The following SGCZ variants were observed in gnomAD, a reference collection of about 807,000 sequenced individuals.
SGCZ encodes zeta-sarcoglycan.
Under a neutral mutation model 41.3 loss-of-function variants are expected in SGCZ, and 40 were observed. That is an observed-to-expected ratio of 0.97 (90% CI 0.75 to 1.26). The LOEUF is 1.26. Ranked by LOEUF, SGCZ falls within the 50% of genes most tolerant of loss-of-function variation. The pLI is 0.00. For synonymous variants in SGCZ, 206 were observed against 137.5 expected (o/e 1.50, Z -3.49); for missense variants, 552 against 369.8 (o/e 1.49, Z -4.04).
At chr8:14,531,618 G>C (rs12546558) in intron 2 of SGCZ, among the ~76,000 whole-genome samples, 1 of 151,822 alleles carries the variant, frequency 6.6e-6, no homozygotes, top group Non-Finnish European at 1.5e-5. Context: ...TGAGTTATGA[G>C]AGGATACACA....
intron 1 of SGCZ, among the ~76,000 whole-genome samples, chr8:14,826,631 T>C (rs1470864349): frequency 6.6e-6 from 1 of 152,282 alleles, no homozygotes; most frequent in Admixed American, 6.5e-5. Flanking sequence ...CCATTCTAAC[T>C]AGTGTGAGAT....
chr8:14,458,186 C>T (rs1248692661), intron 2 of SGCZ, among the ~76,000 whole-genome samples: 1 of 152,072 alleles, frequency 6.6e-6, no homozygotes, highest in Non-Finnish European at 1.5e-5. Context: ...ATAAAATCAA[C>T]CACAATGTGT....
intron 4 of SGCZ, among the ~76,000 whole-genome samples, chr8:14,182,633 A>C (rs1804766956): frequency 6.6e-6 from 1 of 152,216 alleles, no homozygotes; most frequent in South Asian, 2.1e-4. Context: ...TAAAGACAAG[A>C]AAAGGAATTA....
At chr8:14,314,289 T>C (rs78256212) in intron 3 of SGCZ, among the ~76,000 whole-genome samples, 3,217 of 151,946 alleles carry the variant, frequency 0.021, 116 homozygotes, top group African/African-American at 0.072. Context: ...TAGTATTATT[T>C]TTTTTCCCCA....
chr8:14,086,024 A>G lies in SGCZ; in HGVS notation c.*4419T>C, dbSNP rs902134582. Among the ~76,000 whole-genome samples the G allele has an allele frequency of 6.6e-6, 1 of 151,784 alleles. No homozygotes were observed. Among genetic ancestry groups the G allele is most frequent in the African/African-American group, 2.4e-5 (1 of 41,416 alleles). ...TAGTTTATGATTATTTAAAATGAATACAAATGCAAATTTCCTTTGTGATAA... is the reference window on the plus strand; with the variant it reads ...TAGTTTATGATTATTTAAAATGAATGCAAATGCAAATTTCCTTTGTGATAA... On this transcript the variant is annotated 3_prime_UTR_variant, in exon 8 of 8. Coordinates refer to ENST00000382080, the MANE Select transcript of SGCZ (RefSeq NM_139167.4).
At chr8:15,223,062 T>C (rs1801657205) in intron 1 of SGCZ, among the ~76,000 whole-genome samples, 1 of 152,142 alleles carries the variant, frequency 6.6e-6, no homozygotes, top group South Asian at 2.1e-4. Context: ...TGAGAGAATC[T>C]TAAATCATAT....
intron 1 of SGCZ, among the ~76,000 whole-genome samples, chr8:15,012,289 TC>T (rs1802851801): frequency 6.6e-6 from 1 of 151,316 alleles, no homozygotes; most frequent in Non-Finnish European, 1.5e-5. Context: ...ATAGCAAACC[TC>T]CACCTCTACA....
At chr8:14,377,115 G>C (rs139739299) in intron 2 of SGCZ, among the ~76,000 whole-genome samples, 1 of 152,108 alleles carries the variant, frequency 6.6e-6, no homozygotes, top group Admixed American at 6.6e-5. Context: ...CAAGAAGAAC[G>C]AACAATATAA....
At chr8:15,200,106 T>G (rs189666418) in intron 1 of SGCZ, among the ~76,000 whole-genome samples, 1 of 152,352 alleles carries the variant, frequency 6.6e-6, no homozygotes, top group East Asian at 1.9e-4. Flanking sequence ...CTGTAGAAAT[T>G]TGTATCTCTT....
At chr8:14,597,329 G>T (rs940708155) in intron 1 of SGCZ, among the ~76,000 whole-genome samples, 1 of 152,150 alleles carries the variant, frequency 6.6e-6, no homozygotes, top group Admixed American at 6.6e-5. Flanking sequence ...TTTTAAGTTA[G>T]AATGGGAGAG....
intron 5 of SGCZ, among the ~76,000 whole-genome samples, chr8:14,145,883 T>G (rs1037911889): frequency 1.3e-5 from 2 of 152,096 alleles, no homozygotes; most frequent in Admixed American, 1.3e-4. Flanking sequence ...ACAGGCTATT[T>G]GAAAATACAC....
At chr8:14,829,159 C>T (rs1487097994) in intron 1 of SGCZ, among the ~76,000 whole-genome samples, 1 of 146,374 alleles carries the variant, frequency 6.8e-6, no homozygotes, top group Non-Finnish European at 1.5e-5. Flanking sequence ...AGGTCAGTAC[C>T]GATTATTTAT....
At chr8:14,964,049 T>A (rs970751239) in intron 1 of SGCZ, among the ~76,000 whole-genome samples, 2 of 152,126 alleles carry the variant, frequency 1.3e-5, no homozygotes, top group African/African-American at 4.8e-5. Flanking sequence ...AGGCTAAAAA[T>A]AAATTGATCT....
intron 1 of SGCZ, among the ~76,000 whole-genome samples, chr8:14,769,782 C>T (rs890237174): frequency 1.6e-4 from 11 of 69,020 alleles, no homozygotes; most frequent in Non-Finnish European, 2.4e-4. Context: ...GCGACAAGAG[C>T]AAAACACCAT....
At chr8:14,878,779 G>C (rs141203129) in intron 1 of SGCZ, among the ~76,000 whole-genome samples, 1 of 152,258 alleles carries the variant, frequency 6.6e-6, no homozygotes, top group African/African-American at 2.4e-5. Context: ...TCCACCTTAA[G>C]GAGAAAGTAG....
intron 1 of SGCZ, among the ~76,000 whole-genome samples, chr8:15,011,609 C>T (rs535298485): frequency 1.8e-4 from 27 of 152,112 alleles, no homozygotes. Flanking sequence ...TTATTAACTC[C>T]CAGACTATCT....
chr8:14,679,168 T>A lies in SGCZ; in HGVS notation c.40-124242A>T, dbSNP rs1256586372. The stretch of plus-strand genomic sequence containing the variant: ...CATATAATAATATATCACATACAAT[T>A]ACTTACAATACATAATACTTGATAA... On this transcript the variant is annotated intron_variant, in intron 1 of 7. Transcript: ENST00000382080. 3.3e-5 allele frequency among the ~76,000 whole-genome samples: 5 copies of A among 152,156 alleles called. No homozygotes were observed. The South Asian group carries it at 1.0e-3, about 32-fold the overall frequency.
At chr8:14,507,895 T>C (rs941115421) in intron 2 of SGCZ, among the ~76,000 whole-genome samples, 19 of 151,948 alleles carry the variant, frequency 1.3e-4, no homozygotes, top group African/African-American at 4.6e-4. Flanking sequence ...CCTCAGCCTT[T>C]CTGGTAGCTG....
chr8:15,124,834 T>TA (rs1177839597), intron 1 of SGCZ, among the ~76,000 whole-genome samples: 2 of 152,106 alleles, frequency 1.3e-5, no homozygotes, highest in South Asian at 2.1e-4. Context: ...TTAAGATCTT[T>TA]AAAAAATCAG....
Sources: gnomAD v4.1 joint callset for allele counts (sites outside exome capture counted in the v4.1 genomes callset) on GRCh38, gnomAD v4.1.1 for gene constraint, MANE v1.5 for transcripts, NCBI Gene and HGNC (gene_info 2026-07-23, HGNC 2026-07-21) for gene names.